Variants in PLPP3 observed in about 807,000 individuals in gnomAD.
PLPP3 encodes PAP2 beta.
Under a neutral mutation model 29.6 loss-of-function variants are expected in PLPP3, and 6 were observed. The observed-to-expected ratio is 0.20, with a 90% CI of 0.11 to 0.40. The LOEUF (loss-of-function observed/expected upper bound fraction) is 0.40, where lower values mean the gene tolerates loss of function less well. Among genes scored for constraint, PLPP3 ranks in the 10% least tolerant of loss-of-function variants. The pLI is 1.00. For synonymous variants in PLPP3, 152 were observed against 159.7 expected, an observed-to-expected ratio of 0.95 and a Z score of 0.36; for missense variants, 308 against 407.7, an observed-to-expected ratio of 0.76 and a Z score of 2.11.
At chr1:56,512,241 C>T (rs1312310593) in intron 4 of PLPP3, 89 bp from the exon 5 acceptor site, 18 of 1,225,404 alleles carry the variant, frequency 1.5e-5, no homozygotes, top group East Asian at 5.5e-5. Context: ...TACATTTCTA[C>T]GAACAGGGAT....
chr1:56,550,786 A>C, intron 1 of PLPP3, among the ~76,000 whole-genome samples: 1 of 151,734 alleles, frequency 6.6e-6, no homozygotes, highest in Admixed American at 6.5e-5. Context: ...ATTCCCCTTC[A>C]CCATGGTATT....
chr1:56,568,639 CTTTTT>C (rs1343348571), intron 1 of PLPP3, among the ~76,000 whole-genome samples: 1 of 152,042 alleles, frequency 6.6e-6, no homozygotes, highest in Non-Finnish European at 1.5e-5. Context: ...TTTTTCTTTT[CTTTTT>C]GAGACGAGTC....
At position 56,572,173 on chromosome 1, in the gene PLPP3, C is replaced by T. The variant is rs914117784; in HGVS notation, c.139+6705G>A. The stretch of plus-strand genomic sequence containing the variant: ...CCAGCAATTCTCCTGCCTCAGCCTC[C>T]GGAGTAGCTGGGATTACAGGCACAC... On this transcript the variant is annotated intron_variant, in intron 1 of 5. Transcript: ENST00000371250. Among the ~76,000 whole-genome samples, 23 of 150,632 alleles carry T rather than the reference C, an allele frequency of 1.5e-4. No homozygotes were observed. In the East Asian group the frequency reaches 3.1e-3, roughly 21 times the overall value.
chr1:56,502,822 G>A (rs1402706645), intron 5 of PLPP3, among the ~76,000 whole-genome samples: 1 of 152,186 alleles, frequency 6.6e-6, no homozygotes, highest in African/African-American at 2.4e-5. Context: ...AGTCATCCCT[G>A]TTTTCAGAGT....
intron 1 of PLPP3, among the ~76,000 whole-genome samples, chr1:56,539,285 T>C (rs1241285499): frequency 2.6e-5 from 4 of 152,240 alleles, no homozygotes; most frequent in Admixed American, 6.5e-5. Context: ...ATTCACATCA[T>C]GTTGCTTGAA....
intron 1 of PLPP3, among the ~76,000 whole-genome samples, chr1:56,556,389 T>A (rs1195631726): frequency 6.6e-6 from 1 of 152,220 alleles, no homozygotes; most frequent in Non-Finnish European, 1.5e-5. Flanking sequence ...AATGATAAAA[T>A]AATTTTAATT....
intron 1 of PLPP3, among the ~76,000 whole-genome samples, chr1:56,557,364 G>A (rs867277356): frequency 2.6e-5 from 4 of 151,482 alleles, no homozygotes; most frequent in Admixed American, 6.6e-5. Flanking sequence ...GTGACAAAGC[G>A]AGACTCCTTC....
intron 1 of PLPP3, among the ~76,000 whole-genome samples, chr1:56,557,008 A>AAGAAAGAAAGAAAGAAAG (rs1553139323): frequency 4.4e-4 from 6 of 13,736 alleles, no homozygotes; most frequent in East Asian, 1.4e-3. Context: ...GAAAGAAAGA[A>AAGAAAGAAAGAAAGAAAG]AGAGAGAGAG....
chr1:56,526,296 C>T (rs965735897), intron 2 of PLPP3, among the ~76,000 whole-genome samples: 1 of 152,164 alleles, frequency 6.6e-6, no homozygotes, highest in Non-Finnish European at 1.5e-5. Flanking sequence ...ACCAAGAATG[C>T]TTTGATAACA....
rs1448453158 is a variant in PLPP3, at chr1:56,578,790, C to T, written c.139+88G>A. 11 of 1,258,570 alleles carry T rather than the reference C, an allele frequency of 8.7e-6. No homozygotes were observed. In the African/African-American group the frequency reaches 1.5e-4, roughly 17 times the overall value. 78.0% of individuals were successfully genotyped at this position (1,258,570 alleles called of 1,614,324 possible). A position where few individuals can be genotyped will look rare whatever the true frequency, so the allele number is the denominator to read the frequency against. On this transcript the variant is annotated intron_variant, in intron 1 of 5. Transcript: ENST00000371250. ...CCCCGGAGCTGACGGCGCGGCGCGGCGCGGCGCTGCGCGGCCCCGGACTGG... is the reference window on the plus strand; with the variant it reads ...CCCCGGAGCTGACGGCGCGGCGCGGTGCGGCGCTGCGCGGCCCCGGACTGG...
rs1188785605 is a variant in PLPP3 at position 56,524,593 on chromosome 1, A to T, written c.298-39T>A. 6.3e-7 allele frequency: 1 copy of T among 1,584,996 alleles called. No individual in the cohort carries two copies. The highest frequency in any genetic ancestry group is 1.7e-5 in the Admixed American group (1 of 59,280). ...AACAGGGGAATTAGGCAGTATCAAG[A>T]TTCATCATCAACACTGATGCCGTAA... is the stretch of plus-strand genomic sequence containing the variant. On this transcript the variant is annotated intron_variant, in intron 2 of 5. Coordinates refer to ENST00000371250, the MANE Select transcript of PLPP3 (RefSeq NM_003713.5). This position sits in a 1 kb window ranked among gnomAD's most constrained non-coding sequence, Gnocchi z 4.3.
chr1:56,539,904 G>A (rs1334094755), intron 1 of PLPP3, among the ~76,000 whole-genome samples: 1 of 152,158 alleles, frequency 6.6e-6, no homozygotes. Context: ...TTGCTCTGGT[G>A]CCTAGGAGCC....
At chr1:56,568,109 T>A (rs1194208505) in intron 1 of PLPP3, among the ~76,000 whole-genome samples, 1 of 152,126 alleles carries the variant, frequency 6.6e-6, no homozygotes, top group Non-Finnish European at 1.5e-5. Context: ...AGAAAGAAAT[T>A]GGATTCGTGG....
intron 1 of PLPP3, among the ~76,000 whole-genome samples, chr1:56,559,906 C>A (rs987494410): frequency 6.6e-6 from 1 of 152,162 alleles, no homozygotes; most frequent in Non-Finnish European, 1.5e-5. Context: ...GTCACTGGTA[C>A]TGGGCAGAGC....
At chr1:56,534,662 C>CGTT (rs1047844318) in intron 2 of PLPP3, among the ~76,000 whole-genome samples, 1 of 152,104 alleles carries the variant, frequency 6.6e-6, no homozygotes, top group Non-Finnish European at 1.5e-5. Context: ...TCGACGTCAT[C>CGTT]GTTGTTGTTG....
chr1:56,579,209 C>T lies in PLPP3; in HGVS notation c.-193G>A. 3.2e-6 allele frequency: 2 copies of T among 621,138 alleles called. No individual in the cohort carries two copies. Among genetic ancestry groups the T allele is most frequent in the Admixed American group, 3.8e-5 (1 of 26,304 alleles). The allele number at this position is 621,138 out of a possible 1,614,324, so 38.5% of individuals were successfully genotyped here. ...ACTGCAGAAGGTGGTGTTTTCTGCT[C>T]CTCCTGCGCGCCTCTGCTTTCCTCT... On this transcript the variant is annotated 5_prime_UTR_variant, in exon 1 of 6. Coordinates refer to ENST00000371250, the MANE Select transcript of PLPP3 (RefSeq NM_003713.5).
At chr1:56,502,450 A>T (rs566673830) in intron 5 of PLPP3, among the ~76,000 whole-genome samples, 2 of 152,344 alleles carry the variant, frequency 1.3e-5, no homozygotes, top group East Asian at 3.9e-4. Context: ...CTGAAATAGC[A>T]GATTCCTGGG....
At chr1:56,544,771 A>G (rs1645994200) in intron 1 of PLPP3, among the ~76,000 whole-genome samples, 1 of 152,200 alleles carries the variant, frequency 6.6e-6, no homozygotes, top group African/African-American at 2.4e-5. Flanking sequence ...CAACCTAGAA[A>G]GTCAGCTACG....
In PLPP3 at chr1:56,524,806, ATGTG is replaced by A. The variant is rs3835682; in HGVS notation, c.298-256_298-253del. The stretch of plus-strand genomic sequence containing the variant: ...AATATATTTATATGTATATATGTGT[ATGTG>A]TGTGTGTGTGTGTGTGTGTGTGTAT... On this transcript the variant is annotated intron_variant, in intron 2 of 5. Coordinates refer to ENST00000371250, the MANE Select transcript of PLPP3 (RefSeq NM_003713.5). This position sits in a 1 kb window ranked among gnomAD's most constrained non-coding sequence, Gnocchi z 4.3. 5.1e-3 allele frequency among the ~76,000 whole-genome samples: 754 copies of A among 148,158 alleles called. 3 individuals carry two copies. Among genetic ancestry groups the A allele is most frequent in the African/African-American group, 0.015 (594 of 40,254 alleles).
Sources: allele counts gnomAD v4.1 joint callset (sites outside exome capture counted in the v4.1 genomes callset), GRCh38; gene constraint gnomAD v4.1.1; non-coding constraint Gnocchi (gnomAD v3.1); transcripts MANE v1.5; gene names NCBI Gene and HGNC (gene_info 2026-07-23, HGNC 2026-07-21).